ZNF248: variants seen among roughly 807,000 people sequenced by gnomAD.
ZNF248 encodes zinc finger protein 248.
A neutral mutation model predicts 44.3 loss-of-function variants in ZNF248; 20 were observed. The observed-to-expected ratio is 0.45, with a 90% CI of 0.32 to 0.66. The LOEUF (loss-of-function observed/expected upper bound fraction) is 0.66, where lower values mean the gene tolerates loss of function less well. ZNF248 is among the 30% of genes least tolerant of loss of function. The pLI, the probability that ZNF248 is intolerant of heterozygous loss-of-function variation, is 0.04. For missense variants in ZNF248, 654 were observed against 677.0 expected (o/e 0.97, Z 0.38); for synonymous variants, 224 against 229.0 (o/e 0.98, Z 0.20).
intron 6 of ZNF248, among the ~76,000 whole-genome samples, chr10:37,821,486 C>T (rs192484153): frequency 3.5e-4 from 54 of 152,300 alleles, no homozygotes; most frequent in African/African-American, 8.9e-4. Context: ...TCTTACTAGA[C>T]GGCCTTTAAC....
intron 6 of ZNF248, among the ~76,000 whole-genome samples, chr10:37,807,375 G>T (rs561166787): frequency 3.9e-5 from 6 of 152,082 alleles, no homozygotes; most frequent in Non-Finnish European, 7.4e-5. Flanking sequence ...CTCCAATGTT[G>T]TTCTTTATTA....
chr10:37,801,166 G>A (rs994585678), intron 6 of ZNF248, among the ~76,000 whole-genome samples: 1 of 151,920 alleles, frequency 6.6e-6, no homozygotes, highest in Non-Finnish European at 1.5e-5. Flanking sequence ...AATGAGGTCA[G>A]GAGATCGAGA....
At chr10:37,810,906 C>G (rs2051384870) in intron 6 of ZNF248, among the ~76,000 whole-genome samples, 1 of 152,144 alleles carries the variant, frequency 6.6e-6, no homozygotes, top group African/African-American at 2.4e-5. Context: ...TTGTGGTGAG[C>G]TGAAGTATCC....
At chr10:37,796,812 C>T (rs1303263527) in intron 6 of ZNF248, among the ~76,000 whole-genome samples, 1 of 152,010 alleles carries the variant, frequency 6.6e-6, no homozygotes, top group Non-Finnish European at 1.5e-5. Context: ...AAAAATATCT[C>T]TCCCTCAACT....
At position 37,830,340 on chromosome 10, in the gene ZNF248, TA is replaced by T. The variant is rs147981330; in HGVS notation, c.*1274del. On this transcript the variant is annotated 3_prime_UTR_variant, in exon 6 of 6. Transcript: ENST00000395867. ...GTTCAATAATGGCCATATTCATGCA[TA>T]TATGCCAGGAAACAGTCAGAGGAAA... 2.5e-3 allele frequency: 2,509 copies of T among 985,408 alleles called. 8 individuals are homozygous for T. The highest frequency in any genetic ancestry group is 7.1e-3 in the South Asian group (151 of 21,294). The allele number at this position is 985,408 out of a possible 1,614,324, so 61.0% of individuals were successfully genotyped here.
intron 6 of ZNF248, chr10:37,795,086 G>A (rs961190964): frequency 6.6e-6 from 1 of 152,178 alleles, no homozygotes; most frequent in African/African-American, 2.4e-5. Flanking sequence ...TTTCTCTACT[G>A]TGTCAATTCT....
chr10:37,763,275 T>A, the ZNF248 span, among the ~76,000 whole-genome samples: 2 of 152,232 alleles, frequency 1.3e-5, no homozygotes, highest in African/African-American at 4.8e-5. Context: ...TAATTTTCAG[T>A]CAGCCATTTG....
rs571855504 is a variant in ZNF248, at chr10:37,800,279, C to T, written c.331-23704G>A. Among the ~76,000 whole-genome samples the T allele has an allele frequency of 3.3e-5, 5 of 152,246 alleles. No homozygotes were observed. In the South Asian group the frequency reaches 8.3e-4, roughly 25 times the overall value. On this transcript the variant is annotated intron_variant, in intron 6 of 6. Coordinates refer to the ZNF248 transcript ENST00000615949. ...ACTCACCCTCCTCTTATCCTCTACC[C>T]TCAAACAGTCCCCAGTGTCTATTGT...
intron 6 of ZNF248, among the ~76,000 whole-genome samples, chr10:37,801,332 C>T (rs1248724011): frequency 1.3e-4 from 19 of 151,654 alleles, no homozygotes; most frequent in African/African-American, 4.4e-4. Context: ...GCTGAGACTG[C>T]GCCACTGCAC....
chr10:37,820,415 G>C (rs575346304), intron 6 of ZNF248: 3 of 1,538,058 alleles, frequency 2.0e-6, no homozygotes, highest in Admixed American at 1.7e-5. Flanking sequence ...TGGCAGAGCA[G>C]ACTGCTCCTC....
chr10:37,795,004 G>A (rs2048984114), intron 6 of ZNF248: 1 of 152,482 alleles, frequency 6.6e-6, no homozygotes, highest in Non-Finnish European at 1.5e-5. Context: ...AGATTTCTAT[G>A]TGAGTTCTCT....
intron 6 of ZNF248, among the ~76,000 whole-genome samples, chr10:37,778,644 A>T (rs1196857554): frequency 6.6e-6 from 1 of 152,168 alleles, no homozygotes; most frequent in Non-Finnish European, 1.5e-5. Context: ...GTTTTCTTCT[A>T]GGGTTTTTAT....
chr10:37,848,342 G>A (rs1290890440), intron 3 of ZNF248, among the ~76,000 whole-genome samples: 1 of 152,132 alleles, frequency 6.6e-6, no homozygotes, highest in Non-Finnish European at 1.5e-5. Context: ...TGAGCACTTT[G>A]AGAGGCTGAG....
the ZNF248 span, among the ~76,000 whole-genome samples, chr10:37,769,813 G>C: frequency 7.2e-5 from 11 of 152,126 alleles, no homozygotes; most frequent in African/African-American, 2.7e-4. Flanking sequence ...TATTCAATTA[G>C]GAAAAGAGGA....
intron 6 of ZNF248, among the ~76,000 whole-genome samples, chr10:37,800,981 C>T (rs1411557956): frequency 6.6e-6 from 1 of 151,874 alleles, no homozygotes; most frequent in African/African-American, 2.4e-5. Flanking sequence ...AGGCTGATCT[C>T]GAACTCCCAA....
At chr10:37,854,222 A>G (rs1818194297) in intron 3 of ZNF248, among the ~76,000 whole-genome samples, 1 of 152,222 alleles carries the variant, frequency 6.6e-6, no homozygotes, top group African/African-American at 2.4e-5. Flanking sequence ...GTCCAAAACC[A>G]TAAGGAAAAG....
downstream of ZNF248, among the ~76,000 whole-genome samples, chr10:37,827,783 AAGGATACCCAAG>A (rs2054622037): frequency 6.6e-6 from 1 of 152,178 alleles, no homozygotes; most frequent in Admixed American, 6.5e-5. Context: ...TGAAGGCATC[AAGGATACCCAAG>A]GGCTGAACCC....
chr10:37,831,682 C>A lies in ZNF248; in HGVS notation c.1673G>T (p.Ser558Ile), dbSNP rs2055669568. ...ATGTTTGGTGAGCACTGACCTCTGA[C>A]TAAAGGTCTTCCCACATGCATTACA... Reference protein sequence around the residue: ...YECNACGKTFSQRSVLTKHQR... With the variant: ...YECNACGKTFIQRSVLTKHQR... The change falls in exon 6 of 6, where the codon AGT (serine) becomes ATT (isoleucine). Residue 558 changes from serine to isoleucine, a missense_variant. Ser to Ile is a moderately radical substitution (Grantham distance 142, BLOSUM62 -2). Transcript: ENST00000395867. 3 of 1,613,942 alleles carry A rather than the reference C, an allele frequency of 1.9e-6. No individual in the cohort carries two copies. Among genetic ancestry groups the A allele is most frequent in the Non-Finnish European group, 2.5e-6 (3 of 1,179,880 alleles).
chr10:37,766,618 C>T, the ZNF248 span, among the ~76,000 whole-genome samples: 12 of 152,302 alleles, frequency 7.9e-5, 1 homozygote, highest in Non-Finnish European at 1.2e-4. Flanking sequence ...ACCAAAAACC[C>T]TTCTGTATGT....
Sources: gnomAD v4.1 joint callset for allele counts (sites outside exome capture counted in the v4.1 genomes callset) on GRCh38, gnomAD v4.1.1 for gene constraint, MANE v1.5 for transcripts, NCBI Gene and HGNC (gene_info 2026-07-23, HGNC 2026-07-21) for gene names.